DMD: variants seen among roughly 807,000 people sequenced by gnomAD.
DMD encodes dystrophin.
A neutral mutation model predicts 330.1 loss-of-function variants in DMD; 63 were observed. The observed-to-expected ratio is 0.19, with a 90% CI of 0.16 to 0.24. The LOEUF (loss-of-function observed/expected upper bound fraction) is 0.24. Among genes scored for constraint, DMD ranks in the 10% least tolerant of loss-of-function variants. The pLI, the probability that DMD is intolerant of heterozygous loss-of-function variation, is 1.00. For missense variants in DMD, 3,344 were observed against 2,684.1 expected (o/e 1.25, Z -5.43); for synonymous variants, 1,223 against 959.8 (o/e 1.27, Z -5.07).
At chrX:32,507,601 A>G (rs916567328) in intron 18 of DMD, among the ~76,000 whole-genome samples, 1 of 111,628 alleles carries the variant, frequency 9.0e-6, no homozygotes, top group Non-Finnish European at 1.9e-5. Flanking sequence ...CACCACAACT[A>G]CAACAAAAAC....
At chrX:31,454,642 T>C (rs1021443142) in intron 59 of DMD, among the ~76,000 whole-genome samples, 1 of 112,323 alleles carries the variant, frequency 8.9e-6, no homozygotes, top group African/African-American at 3.2e-5. Context: ...GAGTCCCACT[T>C]AGTGCTTTTG....
At chrX:32,409,759 A>T (rs368573428) in intron 30 of DMD, among the ~76,000 whole-genome samples, 1 of 111,819 alleles carries the variant, frequency 8.9e-6, no homozygotes, top group Admixed American at 9.6e-5. Context: ...AGCATTTTTA[A>T]TCAAACATTC....
intron 43 of DMD, among the ~76,000 whole-genome samples, chrX:32,256,650 C>G (rs973521161): frequency 5.4e-5 from 6 of 111,128 alleles, no homozygotes; most frequent in Non-Finnish European, 1.1e-4. Flanking sequence ...GTGGCTGGTA[C>G]CGGTTTTTCC....
intron 59 of DMD, among the ~76,000 whole-genome samples, chrX:31,466,525 C>G (rs1311031313): frequency 9.0e-6 from 1 of 111,441 alleles, no homozygotes; most frequent in Non-Finnish European, 1.9e-5. Flanking sequence ...GTCTATATAT[C>G]TGTTTTGGTA....
intron 2 of DMD, among the ~76,000 whole-genome samples, chrX:32,991,493 C>T (rs1422324621): frequency 8.9e-6 from 1 of 112,033 alleles, no homozygotes; most frequent in Admixed American, 9.5e-5. Flanking sequence ...GACTACTGAG[C>T]ACTTCAAATG....
intron 18 of DMD, among the ~76,000 whole-genome samples, chrX:32,510,374 C>A (rs148315237): frequency 3.6e-3 from 405 of 111,856 alleles, no homozygotes; most frequent in African/African-American, 0.013. Context: ...TCAGCTAGGC[C>A]TTTTAGTGCC....
intron 2 of DMD, among the ~76,000 whole-genome samples, chrX:32,911,423 C>T (rs1397773013): frequency 8.9e-6 from 1 of 111,999 alleles, no homozygotes; most frequent in East Asian, 2.8e-4. Context: ...GAACTTAATT[C>T]ATATCTGCTA....
intron 43 of DMD, among the ~76,000 whole-genome samples, chrX:32,236,315 C>A (rs1403210853): frequency 8.9e-6 from 1 of 112,331 alleles, no homozygotes; most frequent in Non-Finnish European, 1.9e-5. Flanking sequence ...ATGCCATCCT[C>A]AGTTTAACTA....
intron 55 of DMD, among the ~76,000 whole-genome samples, chrX:31,583,175 G>A (rs932404434): frequency 1.8e-5 from 2 of 112,197 alleles, no homozygotes; most frequent in African/African-American, 6.5e-5. Flanking sequence ...CTGGGGAGTT[G>A]CAGATGTCAA....
At chrX:32,402,297 T>C (rs1245407374) in intron 30 of DMD, among the ~76,000 whole-genome samples, 2 of 111,646 alleles carry the variant, frequency 1.8e-5, no homozygotes, top group Non-Finnish European at 3.8e-5. Context: ...ATAATAGTAA[T>C]TGATATATTC....
intron 37 of DMD, among the ~76,000 whole-genome samples, chrX:32,360,827 T>TAATAATAAA (rs2097830284): frequency 1.9e-5 from 2 of 108,035 alleles, no homozygotes; most frequent in South Asian, 4.0e-4. Context: ...ATAATAATAA[T>TAATAATAAA]AAATGAATAT....
At chrX:32,270,633 C>T (rs886452077) in intron 43 of DMD, among the ~76,000 whole-genome samples, 4 of 111,260 alleles carry the variant, frequency 3.6e-5, no homozygotes, top group East Asian at 2.8e-4. Flanking sequence ...GAAGAGAGAA[C>T]GCTAGTTATA....
chrX:33,106,379 A>G (rs757489739), intron 1 of DMD, among the ~76,000 whole-genome samples: 2 of 111,166 alleles, frequency 1.8e-5, no homozygotes, highest in South Asian at 7.7e-4. Context: ...TCACCATTAT[A>G]CAATTCATAC....
rs753482446 is a variant in DMD, at chrX:32,190,550, T to TTATATATATATATATATATATA, written c.6438+26344_6438+26365dup. 5.8e-4 allele frequency among the ~76,000 whole-genome samples: 36 copies of TTATATATATATATATATATATA among 62,507 alleles called. 1 individual carries two copies. Among genetic ancestry groups the TTATATATATATATATATATATA allele is most frequent in the Non-Finnish European group, 6.8e-4 (24 of 35,093 alleles). The allele number at this position is 62,507 out of a possible 115,157, so 54.3% of individuals were successfully genotyped here. ...ATTCTAGCTAACCATATTTAAAATTTTATATATATATATATATATATATAT... is the reference window on the plus strand; with the variant it reads ...ATTCTAGCTAACCATATTTAAAATTTTATATATATATATATATATATATATATATATATATATATATATATAT... On this transcript the variant is annotated intron_variant, in intron 44 of 78. Coordinates refer to ENST00000357033, the MANE Select transcript of DMD (RefSeq NM_004006.3).
At chrX:32,369,997 A>G (rs1217426365) in intron 34 of DMD, among the ~76,000 whole-genome samples, 1 of 111,064 alleles carries the variant, frequency 9.0e-6, no homozygotes, top group Non-Finnish European at 1.9e-5. Flanking sequence ...AAGTCCCCCT[A>G]CCCAGGTGAA....
At chrX:33,000,261 C>T (rs944399343) in intron 2 of DMD, among the ~76,000 whole-genome samples, 2 of 110,900 alleles carry the variant, frequency 1.8e-5, no homozygotes, top group African/African-American at 6.6e-5. Context: ...TTGCTTTGTT[C>T]AATAGTGTTC....
chrX:32,401,655 C>G (rs962098479), intron 30 of DMD, among the ~76,000 whole-genome samples: 1 of 111,565 alleles, frequency 9.0e-6, no homozygotes, highest in Non-Finnish European at 1.9e-5. Context: ...TTTGCTAGAA[C>G]AGGATGACCA....
intron 42 of DMD, among the ~76,000 whole-genome samples, chrX:32,305,351 A>C (rs545804886): frequency 9.0e-6 from 1 of 111,512 alleles, no homozygotes; most frequent in Admixed American, 9.6e-5. Flanking sequence ...AGACTGAAGA[A>C]TCGAAGACTA....
chrX:33,136,355 A>C (rs1202673353), intron 1 of DMD, among the ~76,000 whole-genome samples: 1 of 101,190 alleles, frequency 9.9e-6, no homozygotes, highest in Non-Finnish European at 2.0e-5. Context: ...TGAACATTAC[A>C]TTGGTAAGAT....
Sources: allele counts gnomAD v4.1 joint callset (sites outside exome capture counted in the v4.1 genomes callset), GRCh38; gene constraint gnomAD v4.1.1; transcripts MANE v1.5; gene names NCBI Gene and HGNC (gene_info 2026-07-23, HGNC 2026-07-21).